The following UNC79 variants were observed in gnomAD, a reference collection of about 807,000 sequenced individuals.
The protein encoded by UNC79 is protein unc-79 homolog.
Under a neutral mutation model 283.1 loss-of-function variants are expected in UNC79, and 37 were observed. That is an observed-to-expected ratio of 0.13 (90% confidence interval 0.10 to 0.17). UNC79 has a LOEUF of 0.17. Ranked by LOEUF, UNC79 falls within the 10% of genes least tolerant of loss-of-function variation. The pLI is 1.00. For synonymous variants in UNC79, 1,107 were observed against 1,200.2 expected, an observed-to-expected ratio of 0.92 and a Z score of 1.61; for missense variants, 2,272 against 3,211.1, an observed-to-expected ratio of 0.71 and a Z score of 7.07.
intron 7 of UNC79, among the ~76,000 whole-genome samples, chr14:93,515,516 A>T (rs1489713560): frequency 6.6e-6 from 1 of 151,938 alleles, no homozygotes; most frequent in African/African-American, 2.4e-5. Flanking sequence ...CTAATTTGAG[A>T]CTTAGTATGA....
intron 1 of UNC79, among the ~76,000 whole-genome samples, chr14:93,446,472 T>C (rs929934990): frequency 1.6e-4 from 24 of 150,840 alleles, no homozygotes; most frequent in Admixed American, 1.5e-3. Flanking sequence ...CTTAGCTCAC[T>C]GCAAACTCCA....
At chr14:93,365,366 C>CTG (rs1227351153) in intron 1 of UNC79, among the ~76,000 whole-genome samples, 1 of 118,328 alleles carries the variant, frequency 8.5e-6, no homozygotes, top group African/African-American at 3.3e-5. Flanking sequence ...GCCTGGGTGA[C>CTG]ACAGTGATAC....
chr14:93,516,610 T>C (rs1440222109), intron 7 of UNC79, among the ~76,000 whole-genome samples: 1 of 151,736 alleles, frequency 6.6e-6, no homozygotes, highest in East Asian at 1.9e-4. Context: ...CTATGCCTGG[T>C]TAATTTTTGT....
chr14:93,414,225 C>T (rs2055401754), intron 1 of UNC79, among the ~76,000 whole-genome samples: 1 of 152,102 alleles, frequency 6.6e-6, no homozygotes, highest in African/African-American at 2.4e-5. Flanking sequence ...GGAAGGGATC[C>T]AGTTTCAGCT....
At chr14:93,442,464 T>C (rs116031964) in intron 1 of UNC79, among the ~76,000 whole-genome samples, 1,891 of 152,274 alleles carry the variant, frequency 0.012, 41 homozygotes, top group African/African-American at 0.043. Flanking sequence ...ACTAGCTTAT[T>C]CTTGGTGATT....
chr14:93,447,084 T>TA (rs2140153938), intron 1 of UNC79, among the ~76,000 whole-genome samples: 1 of 152,340 alleles, frequency 6.6e-6, no homozygotes, highest in South Asian at 2.1e-4. Flanking sequence ...TTATGATTGT[T>TA]ATGTTTTCCT....
intron 26 of UNC79, among the ~76,000 whole-genome samples, chr14:93,609,540 T>C (rs1020803805): frequency 3.9e-5 from 6 of 152,158 alleles, no homozygotes; most frequent in African/African-American, 1.2e-4. Context: ...ATATTTTCTC[T>C]TTATAGAAAA....
intron 1 of UNC79, among the ~76,000 whole-genome samples, chr14:93,365,263 A>G (rs1254791751): frequency 6.6e-6 from 1 of 151,682 alleles, no homozygotes; most frequent in Non-Finnish European, 1.5e-5. Context: ...GCAGGTGCCT[A>G]TAATCCCAGC....
chr14:93,409,496 G>A (rs2055291912), intron 1 of UNC79, among the ~76,000 whole-genome samples: 3 of 152,054 alleles, frequency 2.0e-5, no homozygotes, highest in Admixed American at 1.3e-4. Context: ...TTTGAGACCA[G>A]CCTGGACAAC....
chr14:93,460,179 G>C (rs1167958288), intron 1 of UNC79, among the ~76,000 whole-genome samples: 3 of 125,342 alleles, frequency 2.4e-5, no homozygotes, highest in Non-Finnish European at 4.9e-5. Context: ...ACTCCAGCCT[G>C]GGAGACAGAC....
rs67783539 is a variant in UNC79 at position 93,485,210 on chromosome 14, G to GTA, written c.620-2441_620-2440dup. Among the ~76,000 whole-genome samples, 380 of 147,680 alleles carry GTA rather than the reference G, an allele frequency of 2.6e-3. 2 individuals carry two copies. The highest frequency in any genetic ancestry group is 8.3e-3 in the African/African-American group (331 of 40,040). On this transcript the variant is annotated intron_variant, in intron 4 of 48. Coordinates refer to ENST00000555664, the Ensembl canonical transcript of UNC79. ...TGTATATATATGTGTATATATATGT[G>GTA]TATATATATATATGTATATATATAC...
At chr14:93,378,629 A>G (rs2054607382) in intron 1 of UNC79, among the ~76,000 whole-genome samples, 1 of 152,200 alleles carries the variant, frequency 6.6e-6, no homozygotes, top group Non-Finnish European at 1.5e-5. Flanking sequence ...TATTTCAAAT[A>G]ATTTTATGCA....
intron 19 of UNC79, among the ~76,000 whole-genome samples, chr14:93,581,825 A>G (rs1289729745): frequency 1.3e-5 from 2 of 152,090 alleles, no homozygotes; most frequent in African/African-American, 4.8e-5. Flanking sequence ...TGAACCCGTT[A>G]TTATTCCTTC....
At chr14:93,707,152 T>A, downstream of UNC79, 1 of 408,964 alleles carries the variant, frequency 2.4e-6, no homozygotes, top group Non-Finnish European at 4.3e-6. Flanking sequence ...AAATCATTTT[T>A]CTTTAACTAA....
At chr14:93,357,676 C>CATATAT (rs60284787) in intron 1 of UNC79, among the ~76,000 whole-genome samples, 66 of 32,358 alleles carry the variant, frequency 2.0e-3, no homozygotes, top group Middle Eastern at 0.022. Context: ...AATAAACTCC[C>CATATAT]ATATATATAT....
rs576314192 is a variant in UNC79, at chr14:93,462,663, TTTAGTGATAAGAC to T, written c.23-4999_23-4987del. On this transcript the variant is annotated intron_variant, in intron 1 of 48. Coordinates refer to ENST00000555664, the Ensembl canonical transcript of UNC79. ...CAGTTGGGAGATGTATTTGATAGGA[TTTAGTGATAAGAC>T]TTAGTGATTAATAGGACTTAGTAAT... Among the ~76,000 whole-genome samples, 1,470 of 152,202 alleles carry T rather than the reference TTTAGTGATAAGAC, an allele frequency of 9.7e-3. 30 individuals carry two copies. Among genetic ancestry groups the T allele is most frequent in the African/African-American group, 0.034 (1,406 of 41,506 alleles).
chr14:93,403,715 ATTTTT>A (rs1051733430), intron 1 of UNC79, among the ~76,000 whole-genome samples: 4 of 151,852 alleles, frequency 2.6e-5, no homozygotes, highest in Non-Finnish European at 4.4e-5. Flanking sequence ...GATTAAAAAA[ATTTTT>A]TTTTATCAAC....
chr14:93,695,302 A>ACTC (rs2075011603), intron 47 of UNC79, among the ~76,000 whole-genome samples: 1 of 152,122 alleles, frequency 6.6e-6, no homozygotes, highest in African/African-American at 2.4e-5. Flanking sequence ...TCCTTGGTTA[A>ACTC]CTCCACTCTT....
intron 1 of UNC79, among the ~76,000 whole-genome samples, chr14:93,401,645 C>T (rs1170117990): frequency 6.6e-6 from 1 of 152,206 alleles, no homozygotes; most frequent in East Asian, 1.9e-4. Flanking sequence ...TTGTTGTTGG[C>T]TCCTTCTTGG....
Sources: allele counts gnomAD v4.1 joint callset (sites outside exome capture counted in the v4.1 genomes callset), GRCh38; gene constraint gnomAD v4.1.1; transcripts MANE v1.5; gene names NCBI Gene and HGNC (gene_info 2026-07-23, HGNC 2026-07-21).